GPATCH2: variants seen among roughly 807,000 people sequenced by gnomAD.
The protein encoded by GPATCH2 is G patch domain-containing protein 2.
In GPATCH2, 51 loss-of-function variants were observed where a neutral mutation model predicts 58.0. The ratio of observed to expected loss-of-function variants is 0.88; its 90% confidence interval spans 0.70 to 1.11. The LOEUF is 1.11. GPATCH2 is among the 50% of genes most tolerant of loss of function. The pLI, the probability that GPATCH2 is intolerant of heterozygous loss-of-function variation, is 0.00. For synonymous variants in GPATCH2, 222 were observed against 218.5 expected (o/e 1.02, Z -0.14); for missense variants, 625 against 652.2 (o/e 0.96, Z 0.45).
intron 8 of GPATCH2, among the ~76,000 whole-genome samples, chr1:217,463,659 A>G: frequency 1.4e-5 from 1 of 70,370 alleles, no homozygotes; most frequent in South Asian, 5.0e-4. Context: ...AAAAAAAAAA[A>G]AAAAAAAAAA....
At chr1:217,569,672 G>A (rs1368220397) in intron 5 of GPATCH2, among the ~76,000 whole-genome samples, 1 of 152,122 alleles carries the variant, frequency 6.6e-6, no homozygotes, top group African/African-American at 2.4e-5. Context: ...TACAGACTGG[G>A]CGACGAGAGC....
Position 217,558,335 on chromosome 1 carries a change from A to C in GPATCH2, c.1099-43446T>G, listed in dbSNP as rs368452708. Among the ~76,000 whole-genome samples the C allele has an allele frequency of 3.9e-5, 6 of 152,338 alleles. No individual in the cohort carries two copies. In the East Asian group the frequency reaches 1.2e-3, roughly 29 times the overall value. On this transcript the variant is annotated intron_variant, in intron 5 of 9. Transcript: ENST00000366935. ...GTGTATACTAAATAAATATTTTGAC[A>C]CTGAATACATGTGAACTCATGTATC...
intron 8 of GPATCH2, among the ~76,000 whole-genome samples, chr1:217,486,776 C>T (rs947870662): frequency 1.7e-4 from 26 of 152,204 alleles, no homozygotes; most frequent in African/African-American, 6.0e-4. Context: ...ACAGTCATCA[C>T]ACCCCATCCC....
intron 5 of GPATCH2, among the ~76,000 whole-genome samples, chr1:217,549,625 AT>A: frequency 6.6e-6 from 1 of 152,304 alleles, no homozygotes. Context: ...TCATTCATTC[AT>A]TCACTCATTC....
At chr1:217,571,712 A>AAC (rs1360334692) in intron 5 of GPATCH2, among the ~76,000 whole-genome samples, 2 of 148,462 alleles carry the variant, frequency 1.3e-5, no homozygotes, top group Non-Finnish European at 3.0e-5. Flanking sequence ...CCAAAAAAAA[A>AAC]AAAAAAAACA....
intron 8 of GPATCH2, among the ~76,000 whole-genome samples, chr1:217,486,855 A>G (rs1661477562): frequency 6.6e-6 from 1 of 152,166 alleles, no homozygotes; most frequent in African/African-American, 2.4e-5. Context: ...AGCAGGACTA[A>G]TTCTTCAGCA....
chr1:217,505,806 A>G (rs1662524862), intron 6 of GPATCH2, among the ~76,000 whole-genome samples: 1 of 152,108 alleles, frequency 6.6e-6, no homozygotes, highest in Non-Finnish European at 1.5e-5. Context: ...AATTTACTTT[A>G]TTCAATTAAT....
chr1:217,508,911 T>C (rs1050033486), intron 6 of GPATCH2, among the ~76,000 whole-genome samples: 3 of 152,200 alleles, frequency 2.0e-5, no homozygotes, highest in African/African-American at 7.2e-5. Context: ...ACTTTAAATA[T>C]AGTAATATGT....
intron 5 of GPATCH2, chr1:217,610,107 C>T (rs1466355715): frequency 2.6e-6 from 4 of 1,538,632 alleles, no homozygotes; most frequent in South Asian, 2.5e-5. Flanking sequence ...CCTCGAATGT[C>T]ATTCCCCAGA....
intron 3 of GPATCH2, among the ~76,000 whole-genome samples, chr1:217,611,927 C>T (rs1668653404): frequency 6.6e-6 from 1 of 152,014 alleles, no homozygotes; most frequent in South Asian, 2.1e-4. Context: ...TGTGTGTAAT[C>T]CCAGTGCTTT....
chr1:217,560,640 T>C lies in GPATCH2; in HGVS notation c.1099-45751A>G, dbSNP rs555781761. 5.9e-5 allele frequency among the ~76,000 whole-genome samples: 9 copies of C among 152,312 alleles called. No homozygotes were observed. The South Asian group carries it at 1.9e-3, about 32-fold the overall frequency. Reference sequence around the variant, plus strand: ...CAACAATTATGAACCTCCAATTCTGTAGGTGCTTCATTTACAGCAGAATTT... The same window carrying C: ...CAACAATTATGAACCTCCAATTCTGCAGGTGCTTCATTTACAGCAGAATTT... On this transcript the variant is annotated intron_variant, in intron 5 of 9. Coordinates refer to ENST00000366935, the MANE Select transcript of GPATCH2 (RefSeq NM_018040.5).
At chr1:217,498,250 G>A (rs1429778121) in intron 7 of GPATCH2, 106 bp downstream of exon 7, 1 of 866,614 alleles carries the variant, frequency 1.2e-6, no homozygotes, top group Admixed American at 1.7e-5. Flanking sequence ...AAAATGAGCG[G>A]GGATTTGTAT....
At chr1:217,624,457 T>C (rs996265322) in intron 1 of GPATCH2, among the ~76,000 whole-genome samples, 5 of 152,166 alleles carry the variant, frequency 3.3e-5, no homozygotes, top group African/African-American at 1.2e-4. Context: ...GCGGAGGCTG[T>C]AGTGAGCCAA....
chr1:217,469,263 C>T (rs2102499399), intron 8 of GPATCH2, among the ~76,000 whole-genome samples: 1 of 152,196 alleles, frequency 6.6e-6, no homozygotes, highest in African/African-American at 2.4e-5. Flanking sequence ...TTTGCCTTTT[C>T]CCCAAGCTCG....
intron 5 of GPATCH2, among the ~76,000 whole-genome samples, chr1:217,574,305 G>A (rs900206009): frequency 1.2e-4 from 19 of 152,048 alleles, no homozygotes; most frequent in Admixed American, 2.0e-4. Context: ...ATCCTAGCCC[G>A]AGCCCCAAAG....
intron 5 of GPATCH2, among the ~76,000 whole-genome samples, chr1:217,522,902 G>C (rs1208639420): frequency 6.6e-6 from 1 of 151,480 alleles, no homozygotes; most frequent in East Asian, 1.9e-4. Context: ...GACTTTGGAG[G>C]CAAACACAAA....
chr1:217,603,582 T>C (rs1476677774), intron 5 of GPATCH2, among the ~76,000 whole-genome samples: 1 of 152,128 alleles, frequency 6.6e-6, no homozygotes, highest in Non-Finnish European at 1.5e-5. Context: ...GAATCTACAG[T>C]TGTAAATGAC....
At chr1:217,485,133 C>G (rs1235862655) in intron 8 of GPATCH2, among the ~76,000 whole-genome samples, 3 of 152,136 alleles carry the variant, frequency 2.0e-5, no homozygotes, top group Admixed American at 6.5e-5. Context: ...AAGACTTCAT[C>G]TGAGTTTGTG....
At chr1:217,538,081 C>T (rs1664562886) in intron 5 of GPATCH2, among the ~76,000 whole-genome samples, 1 of 152,080 alleles carries the variant, frequency 6.6e-6, no homozygotes, top group South Asian at 2.1e-4. Flanking sequence ...TAGATAGATT[C>T]CTGTAGGTAT....
Sources: allele counts gnomAD v4.1 joint callset (sites outside exome capture counted in the v4.1 genomes callset), GRCh38; gene constraint gnomAD v4.1.1; transcripts MANE v1.5; gene names NCBI Gene and HGNC (gene_info 2026-07-23, HGNC 2026-07-21).